The following EPG5 variants were observed in gnomAD, a reference collection of about 807,000 sequenced individuals.
EPG5 encodes the protein ectopic P-granules 5 autophagy tethering factor, also known as ectopic P granules protein 5 homolog.
In EPG5, 159 loss-of-function variants were observed where a neutral mutation model predicts 302.7. The ratio of observed to expected loss-of-function variants is 0.53; its 90% CI spans 0.46 to 0.60. The LOEUF is 0.60. EPG5 is among the 20% of genes least tolerant of loss of function. EPG5 has a pLI of 0.00. For synonymous variants in EPG5, 1,158 were observed against 1,136.8 expected (o/e 1.02, Z -0.37); for missense variants, 2,896 against 3,092.4 (o/e 0.94, Z 1.51).
At chr18:45,960,309 C>T (rs954818040) in intron 1 of EPG5, among the ~76,000 whole-genome samples, 1 of 152,116 alleles carries the variant, frequency 6.6e-6, no homozygotes, top group African/African-American at 2.4e-5. Context: ...TGTTGCCCAA[C>T]CTAGAGTGCA....
chr18:45,930,816 T>C lies in EPG5; in HGVS notation c.2272A>G (p.Thr758Ala), dbSNP rs2145819702. Residue 758 changes from threonine (T) to alanine (A), a missense_variant, in exon 12 of 44, where the codon ACC (threonine) becomes GCC (alanine). By Grantham distance (58) the Thr-to-Ala change is moderately conservative (BLOSUM62 0). This residue lies in a region of EPG5 where 1,390 missense variants were observed against 1,430.0 expected (regional missense o/e 0.97). Coordinates refer to ENST00000282041, the MANE Select transcript of EPG5 (RefSeq NM_020964.3). ...KQQLQDPEHF[T>A]NFEKCLSSMN... ...GAAGAAAGACACTTCTCAAAGTTGG[T>C]AAAATGTTCTGGGTCTGCAAGTTCA... is the stretch of plus-strand genomic sequence containing the variant. 1 of 1,594,460 alleles carries C rather than the reference T, an allele frequency of 6.3e-7. No homozygotes were observed. Among genetic ancestry groups the C allele is most frequent in the South Asian group, 1.2e-5 (1 of 86,058 alleles).
At position 45,851,049 on chromosome 18, in the gene EPG5, T is replaced by C. The variant is rs2048417153; in HGVS notation, c.*1418A>G. ...TTAAGGCAGAATCGTTCTGTCCAAG[T>C]AAAGAAATTCAAAGTAAAGAAAAGC... On this transcript the variant is annotated 3_prime_UTR_variant, in exon 44 of 44. Coordinates refer to ENST00000282041, the MANE Select transcript of EPG5 (RefSeq NM_020964.3). 1 of 152,176 alleles carries C rather than the reference T, an allele frequency of 6.6e-6. No individual in the cohort carries two copies. The highest frequency in any genetic ancestry group is 2.1e-4 in the South Asian group (1 of 4,828). The allele number at this position is 152,176 out of a possible 1,614,324, so 9.4% of individuals were successfully genotyped here.
chr18:45,875,332 C>A (rs566163686), intron 35 of EPG5, among the ~76,000 whole-genome samples: 1 of 152,102 alleles, frequency 6.6e-6, no homozygotes, highest in Non-Finnish European at 1.5e-5. Context: ...CAACCCCCAA[C>A]AGGAATTTCA....
At chr18:45,888,445 A>G (rs1156499893) in intron 28 of EPG5, among the ~76,000 whole-genome samples, 1 of 152,166 alleles carries the variant, frequency 6.6e-6, no homozygotes. Flanking sequence ...CTGGGATTAC[A>G]GGCAGCTGCC....
In EPG5 at chr18:45,907,998, T is replaced by C. The variant is rs202065249; in HGVS notation, c.4289A>G (p.Tyr1430Cys). 5.0e-6 allele frequency: 8 copies of C among 1,597,728 alleles called. No individual in the cohort carries two copies. In the Admixed American group the frequency reaches 5.4e-5, roughly 11 times the overall value. The change falls in exon 24 of 44, where the codon TAT (tyrosine) becomes TGT (cysteine). Residue 1430 changes from tyrosine (Y) to cysteine (C), a missense_variant. Physicochemically the swap from Tyr to Cys is radical, Grantham distance 194 (BLOSUM62 -2). Around this residue, in one of 5 missense-constraint regions of EPG5, gnomAD observed 790 missense variants for 798.0 expected, o/e 0.99. Coordinates refer to ENST00000282041, the MANE Select transcript of EPG5 (RefSeq NM_020964.3). ...DTYIPSLPKHYDIHRLAKVMQ... is the reference protein window; with the variant it reads ...DTYIPSLPKHCDIHRLAKVMQ... ...CACTTTTGCTAGCCTGTGAATATCA[T>C]AATGCTTTGGTAGAGAAGGGATATA...
At chr18:45,816,713 C>T in the EPG5 span, among the ~76,000 whole-genome samples, 4,112 of 152,240 alleles carry the variant, frequency 0.027, 169 homozygotes, top group African/African-American at 0.093. Flanking sequence ...TGTGGTGATT[C>T]CTTAAAGAAC....
chr18:45,882,723 T>C (rs1185151756), intron 30 of EPG5, among the ~76,000 whole-genome samples: 2 of 152,024 alleles, frequency 1.3e-5, no homozygotes, highest in Non-Finnish European at 2.9e-5. Flanking sequence ...AGTTCACTAA[T>C]TGGGTCGGGT....
the EPG5 span, among the ~76,000 whole-genome samples, chr18:45,801,500 C>G: frequency 0.69 from 105,287 of 152,120 alleles, 36,906 homozygotes; most frequent in East Asian, 0.92. Flanking sequence ...AACAGGAAAC[C>G]AGCAGGAAAA....
At chr18:45,818,207 T>C in the EPG5 span, among the ~76,000 whole-genome samples, 1 of 152,212 alleles carries the variant, frequency 6.6e-6, no homozygotes, top group Admixed American at 6.5e-5. Context: ...ATAATACATG[T>C]TGTTTACAGT....
chr18:45,830,350 G>A, the EPG5 span, among the ~76,000 whole-genome samples: 19 of 152,256 alleles, frequency 1.2e-4, no homozygotes, highest in South Asian at 8.3e-4. Context: ...GAGTAGGTTC[G>A]GCATCAGTCA....
At chr18:45,951,270 A>G in intron 3 of EPG5, 32 bp from the exon 4 acceptor site, 1 of 1,391,878 alleles carries the variant, frequency 7.2e-7, no homozygotes, top group Non-Finnish European at 9.4e-7. Context: ...TGAGTCTCTC[A>G]TAAATGGTGT....
At chr18:45,926,012 T>C (rs2050260347) in intron 13 of EPG5, 110 bp from the exon 14 acceptor site, 2 of 656,780 alleles carry the variant, frequency 3.0e-6, no homozygotes, top group Non-Finnish European at 2.2e-6. Flanking sequence ...CAAAAGGAAC[T>C]GGAGTTTTTG....
At chr18:45,893,582 G>A (rs930554497) in intron 27 of EPG5, among the ~76,000 whole-genome samples, 19 of 150,770 alleles carry the variant, frequency 1.3e-4, no homozygotes, top group African/African-American at 4.4e-4. Flanking sequence ...GTTGGATAAT[G>A]AAAGCAAAGC....
chr18:45,838,894 G>A, the EPG5 span: 26 of 1,597,878 alleles, frequency 1.6e-5, no homozygotes, highest in Non-Finnish European at 2.1e-5. Context: ...AGTGACCGCC[G>A]AACTGCCCGC....
the EPG5 span, among the ~76,000 whole-genome samples, chr18:45,812,344 A>C: frequency 3.3e-5 from 5 of 152,222 alleles, no homozygotes; most frequent in Non-Finnish European, 5.9e-5. Context: ...CACACTGTCC[A>C]AGGTAATTTA....
Position 45,930,735 on chromosome 18 carries a change from C to T in EPG5, c.2353G>A (p.Ala785Thr), listed in dbSNP as rs1568165158. 1.9e-6 allele frequency: 3 copies of T among 1,610,962 alleles called. No individual in the cohort carries two copies. The highest frequency in any genetic ancestry group is 1.7e-4 in the Middle Eastern group (1 of 6,050). ...TCTTCGTCCACATTGGTTCTTCTGG[C>T]CTGAGCCATCTGAGCAAAGGTAGTC... The part of the protein sequence containing the change: ...LLTTFAQMAQ[A>T]RRTNVDEDFI... The change falls in exon 12 of 44, where the codon GCC (alanine) becomes ACC (threonine). Residue 785 changes from alanine to threonine, a missense_variant. Ala to Thr is a moderately conservative substitution (Grantham distance 58). Coordinates refer to ENST00000282041, the MANE Select transcript of EPG5 (RefSeq NM_020964.3).
chr18:45,820,559 G>T, the EPG5 span, among the ~76,000 whole-genome samples: 1 of 152,110 alleles, frequency 6.6e-6, no homozygotes, highest in Non-Finnish European at 1.5e-5. Context: ...GAGGGTTCCC[G>T]CAGGCTTCTT....
intron 7 of EPG5, among the ~76,000 whole-genome samples, chr18:45,944,955 G>C (rs2050754253): frequency 6.6e-6 from 1 of 152,148 alleles, no homozygotes; most frequent in South Asian, 2.1e-4. Context: ...AGATTACATA[G>C]GGGAAATCTT....
At chr18:45,826,504 C>G in the EPG5 span, among the ~76,000 whole-genome samples, 1 of 152,186 alleles carries the variant, frequency 6.6e-6, no homozygotes, top group Non-Finnish European at 1.5e-5. Context: ...TGCATTTTCA[C>G]CACCTTCTTG....
Sources: allele counts gnomAD v4.1 joint callset (sites outside exome capture counted in the v4.1 genomes callset), GRCh38; gene constraint gnomAD v4.1.1; regional missense constraint gnomAD v4.1.1; transcripts MANE v1.5; gene names NCBI Gene and HGNC (gene_info 2026-07-23, HGNC 2026-07-21).